SPAG16: variants seen among roughly 807,000 people sequenced by gnomAD.
SPAG16 encodes the protein sperm associated antigen 16, also known as sperm-associated antigen 16 protein.
A neutral mutation model predicts 80.4 loss-of-function variants in SPAG16; 86 were observed. That is an observed-to-expected ratio of 1.07 (90% CI 0.90 to 1.28). The LOEUF is 1.28. Ranked by LOEUF, SPAG16 falls within the 50% of genes most tolerant of loss-of-function variation. SPAG16 has a pLI of 0.00. For synonymous variants in SPAG16, 294 were observed against 265.9 expected (o/e 1.11, Z -1.03); for missense variants, 870 against 765.3 (o/e 1.14, Z -1.61).
At chr2:213,409,116 G>GGTT (rs1553519621) in intron 9 of SPAG16, among the ~76,000 whole-genome samples, 151 of 146,808 alleles carry the variant, frequency 1.0e-3, no homozygotes, top group African/African-American at 2.7e-3. Flanking sequence ...TAAATTAACT[G>GGTT]TTTTTTTTTT....
chr2:213,731,219 C>T (rs1194319159), intron 10 of SPAG16, among the ~76,000 whole-genome samples: 3 of 139,540 alleles, frequency 2.1e-5, no homozygotes, highest in Non-Finnish European at 4.5e-5. Context: ...TGTAGTGGCG[C>T]GATCTCAGCT....
intron 11 of SPAG16, among the ~76,000 whole-genome samples, chr2:213,888,250 T>C (rs1177929365): frequency 2.0e-5 from 3 of 151,898 alleles, no homozygotes; most frequent in Non-Finnish European, 4.4e-5. Context: ...TTTAACATTT[T>C]ATTTTCTGAC....
intron 10 of SPAG16, among the ~76,000 whole-genome samples, chr2:213,856,456 C>G (rs2075171529): frequency 6.6e-6 from 1 of 152,214 alleles, no homozygotes; most frequent in South Asian, 2.1e-4. Flanking sequence ...AGGCAATGCC[C>G]CAGTTGGGAC....
intron 12 of SPAG16, among the ~76,000 whole-genome samples, chr2:213,960,755 G>A (rs2044372787): frequency 6.6e-6 from 1 of 152,054 alleles, no homozygotes; most frequent in Admixed American, 6.6e-5. Flanking sequence ...TGCCCAAGAG[G>A]GGAAAAAGAG....
chr2:214,048,980 G>T (rs970960586), intron 13 of SPAG16, among the ~76,000 whole-genome samples: 2 of 143,654 alleles, frequency 1.4e-5, no homozygotes, highest in African/African-American at 5.0e-5. Flanking sequence ...CTGTTGCCCA[G>T]GCTGGAGTGA....
intron 10 of SPAG16, among the ~76,000 whole-genome samples, chr2:213,572,518 C>T (rs2059949486): frequency 6.6e-6 from 1 of 151,740 alleles, no homozygotes; most frequent in African/African-American, 2.4e-5. Context: ...CAGTATGCCC[C>T]TGCTGGGGGG....
At chr2:213,820,583 A>G (rs1452815234) in intron 10 of SPAG16, among the ~76,000 whole-genome samples, 1 of 152,162 alleles carries the variant, frequency 6.6e-6, no homozygotes, top group Non-Finnish European at 1.5e-5. Context: ...TTCTAAGAAC[A>G]TCATATTATT....
intron 15 of SPAG16, among the ~76,000 whole-genome samples, chr2:214,285,089 C>T (rs1693254455): frequency 6.6e-6 from 1 of 152,182 alleles, no homozygotes; most frequent in Non-Finnish European, 1.5e-5. Flanking sequence ...TACTCTCCCA[C>T]CAACTGTGTA....
At chr2:214,143,871 C>T (rs1040011187) in intron 14 of SPAG16, among the ~76,000 whole-genome samples, 4 of 152,082 alleles carry the variant, frequency 2.6e-5, no homozygotes, top group Admixed American at 1.3e-4. Flanking sequence ...TTTAAAGTCT[C>T]ATGAGACTGG....
intron 15 of SPAG16, among the ~76,000 whole-genome samples, chr2:214,397,923 C>T (rs1350537319): frequency 6.6e-6 from 1 of 152,094 alleles, no homozygotes; most frequent in East Asian, 1.9e-4. Context: ...GGTAGTTCTC[C>T]GTATGCACTC....
chr2:213,567,708 T>C (rs1269888414), intron 10 of SPAG16, among the ~76,000 whole-genome samples: 1 of 13,246 alleles, frequency 7.5e-5, no homozygotes, highest in Non-Finnish European at 1.2e-4. Flanking sequence ...TGCATGTGTC[T>C]TTATAGCAGC....
At chr2:213,372,403 A>G (rs1437095215) in intron 8 of SPAG16, among the ~76,000 whole-genome samples, 1 of 152,256 alleles carries the variant, frequency 6.6e-6, no homozygotes, top group African/African-American at 2.4e-5. Context: ...AATAAATGTC[A>G]TATATAGTAA....
chr2:213,998,133 A>G (rs1352001609), intron 12 of SPAG16, among the ~76,000 whole-genome samples: 1 of 152,214 alleles, frequency 6.6e-6, no homozygotes, highest in African/African-American at 2.4e-5. Context: ...CGTAAATCTC[A>G]GCAAGTATAT....
At chr2:214,274,084 T>A (rs1259592866) in intron 15 of SPAG16, among the ~76,000 whole-genome samples, 1 of 152,222 alleles carries the variant, frequency 6.6e-6, no homozygotes, top group Non-Finnish European at 1.5e-5. Flanking sequence ...CTCTCATGAT[T>A]TGGCTCTCTG....
chr2:213,404,281 G>A (rs965009096), intron 9 of SPAG16, among the ~76,000 whole-genome samples: 3 of 152,136 alleles, frequency 2.0e-5, no homozygotes, highest in African/African-American at 7.2e-5. Flanking sequence ...CAAAGCTGGA[G>A]GCATCACTCT....
chr2:213,749,398 C>G (rs1193585781), intron 10 of SPAG16, among the ~76,000 whole-genome samples: 2 of 152,104 alleles, frequency 1.3e-5, no homozygotes, highest in Non-Finnish European at 2.9e-5. Flanking sequence ...GTTATCCAAA[C>G]AAGCTTTCCT....
chr2:213,637,633 T>A (rs945530369), intron 10 of SPAG16, among the ~76,000 whole-genome samples: 6 of 152,352 alleles, frequency 3.9e-5, no homozygotes, highest in African/African-American at 1.4e-4. Context: ...GTTATTGGTC[T>A]GTTGAGAGTT....
chr2:213,541,095 G>T (rs759224959), intron 10 of SPAG16, among the ~76,000 whole-genome samples: 2 of 152,184 alleles, frequency 1.3e-5, no homozygotes, highest in Non-Finnish European at 2.9e-5. Context: ...TGTTACCATG[G>T]TTTTTCCTTT....
intron 15 of SPAG16, among the ~76,000 whole-genome samples, chr2:214,358,388 T>C (rs1247364218): frequency 2.0e-5 from 3 of 151,910 alleles, no homozygotes; most frequent in Non-Finnish European, 2.9e-5. Flanking sequence ...TCTTTAGAAA[T>C]TTTGCTTATT....
Sources: allele counts gnomAD v4.1 joint callset (sites outside exome capture counted in the v4.1 genomes callset), GRCh38; gene constraint gnomAD v4.1.1; transcripts MANE v1.5; gene names NCBI Gene and HGNC (gene_info 2026-07-23, HGNC 2026-07-21).